SENP3: variants seen among roughly 807,000 people sequenced by gnomAD.
SENP3 encodes sentrin-specific protease 3.
Under a neutral mutation model 66.2 loss-of-function variants are expected in SENP3, and 11 were observed. The ratio of observed to expected loss-of-function variants is 0.17; its 90% confidence interval spans 0.10 to 0.28. The LOEUF is 0.28. SENP3 is among the 10% of genes least tolerant of loss of function. The pLI is 1.00. For missense variants in SENP3, 548 were observed against 743.7 expected (o/e 0.74, Z 3.06); for synonymous variants, 292 against 277.6 (o/e 1.05, Z -0.52).
Position 7,563,651 on chromosome 17 carries a change from C to T in SENP3, c.575C>T (p.Pro192Leu), listed in dbSNP as rs751591772. 1.9e-6 allele frequency: 3 copies of T among 1,609,930 alleles called. No homozygotes were observed. In the African/African-American group the frequency reaches 4.0e-5, roughly 21 times the overall value. Residue 192 changes from proline (P) to leucine (L), a missense_variant, in exon 2 of 11, where the codon CCA becomes CTA. Coordinates refer to ENST00000321337, the MANE Select transcript of SENP3 (RefSeq NM_015670.6). The stretch of plus-strand genomic sequence containing the variant: ...TGTCGTTTTGACTCCCCCCGGGGGC[C>T]ACCTCCACCCCGGCTGGGTCTGCTA... ...PCCRFDSPRG[P>L]PPPRLGLLGA... is the part of the protein sequence containing the mutation.
chr17:7,565,683 C>A, intron 5 of SENP3, 34 bp from the exon 6 acceptor site: 5 of 1,613,866 alleles, frequency 3.1e-6, no homozygotes, highest in Non-Finnish European at 4.2e-6. Context: ...ATGCCGCACC[C>A]TCCATGGCAA....
At chr17:7,569,655 ATCT>A (rs1022737382) in intron 7 of SENP3, among the ~76,000 whole-genome samples, 5 of 152,142 alleles carry the variant, frequency 3.3e-5, no homozygotes, top group African/African-American at 1.2e-4. Context: ...ACCCTCAGGG[ATCT>A]TCTTGCAGTA....
chr17:7,563,829 G>A (rs1317058685), intron 2 of SENP3, 38 bp downstream of exon 2: 1 of 1,417,624 alleles, frequency 7.1e-7, no homozygotes, highest in Non-Finnish European at 9.6e-7. Context: ...CGGGGGAGGG[G>A]TTAGGGAGGG....
In SENP3 at chr17:7,563,120, C is replaced by G. The variant is rs764418774; in HGVS notation, c.44C>G (p.Pro15Arg). The G allele has an allele frequency of 3.3e-6, 5 of 1,524,378 alleles. No homozygotes were observed. The highest frequency in any genetic ancestry group is 4.4e-5 in the Admixed American group (2 of 45,270). The allele number at this position is 1,524,378 out of a possible 1,614,324, so 94.4% of individuals were successfully genotyped here. A position where few individuals can be genotyped will look rare whatever the true frequency, so the allele number is the denominator to read the frequency against. The change falls in exon 2 of 11, where the codon CCT becomes CGT. Residue 15 changes from proline (P) to arginine (R), a missense_variant. Pro to Arg is a moderately radical substitution (Grantham distance 103, BLOSUM62 -2). Coordinates refer to ENST00000321337, the MANE Select transcript of SENP3 (RefSeq NM_015670.6). ...IQGTGSWGPE[P>R]PGPGIPPAYS... ...GGGACCGGGTCCTGGGGGCCTGAGC[C>G]TCCTGGACCCGGCATACCCCCAGCT...
chr17:7,566,552 G>C (rs1206236164), intron 6 of SENP3, among the ~76,000 whole-genome samples: 1 of 150,822 alleles, frequency 6.6e-6, no homozygotes, highest in Non-Finnish European at 1.5e-5. Flanking sequence ...TGTAGTCCCA[G>C]CTACTCGGGA....
rs2071319594 is a variant in SENP3, at chr17:7,571,840, TATATATATATATATATA to T, written c.*358_*374del. The T allele has an allele frequency of 1.6e-4, 3 of 19,046 alleles. No individual in the cohort carries two copies. The Admixed American group carries it at 1.7e-3, about 11-fold the overall frequency. The allele number at this position is 19,046 out of a possible 1,614,324, so 1.2% of individuals were successfully genotyped here. A position where few individuals can be genotyped will look rare whatever the true frequency, so the allele number is the denominator to read the frequency against. On this transcript the variant is annotated 3_prime_UTR_variant, in exon 11 of 11. Transcript: ENST00000321337. Reference sequence around the variant, plus strand: ...TGCCTGCCAGATCTTCAAACTTTTATATATATATATATATATATATATATATATATATATATATATAT... The same window carrying T: ...TGCCTGCCAGATCTTCAAACTTTTATTATATATATATATATATATATATAT...
intron 4 of SENP3, 140 bp from the exon 5 acceptor site, chr17:7,565,300 C>T: frequency 9.7e-7 from 1 of 1,028,870 alleles, no homozygotes; most frequent in Non-Finnish European, 1.4e-6. Flanking sequence ...GGGAGTGGGC[C>T]TTTCGCAGGT....
In SENP3 at chr17:7,566,581, G is replaced by A. The variant is rs146782424; in HGVS notation, c.1264-346G>A. ...CTCGGGAGGCTGAGGCGGGAGAATCGCTTGAACCCGGGAGGCGGAGGTTGC... is the reference window on the plus strand; with the variant it reads ...CTCGGGAGGCTGAGGCGGGAGAATCACTTGAACCCGGGAGGCGGAGGTTGC... On this transcript the variant is annotated intron_variant, in intron 6 of 10. Coordinates refer to ENST00000321337, the MANE Select transcript of SENP3 (RefSeq NM_015670.6). Among the ~76,000 whole-genome samples, 991 of 151,164 alleles carry A rather than the reference G, an allele frequency of 6.6e-3. 10 individuals are homozygous for A. The highest frequency in any genetic ancestry group is 0.023 in the African/African-American group (927 of 41,120).
chr17:7,570,677 A>G lies in SENP3; in HGVS notation c.1480-4A>G, dbSNP rs897071683. ...CATCACTTTCTTTTCCCCCATCCACATAGCATATTGCCAAGTATCTACAGG... is the reference window on the plus strand; with the variant it reads ...CATCACTTTCTTTTCCCCCATCCACGTAGCATATTGCCAAGTATCTACAGG... On this transcript the variant is annotated splice_polypyrimidine_tract_variant and splice_region_variant and intron_variant, in intron 8 of 10. Transcript: ENST00000321337. This position sits in a 1 kb window ranked among gnomAD's most constrained non-coding sequence, Gnocchi z 5.4. The G allele has an allele frequency of 6.2e-7, 1 of 1,612,038 alleles. No individual in the cohort carries two copies. Among genetic ancestry groups the G allele is most frequent in the African/African-American group, 1.3e-5 (1 of 74,976 alleles).
rs748859608 is a variant in SENP3 at position 7,570,781 on chromosome 17, A to AG, written c.1563+21dup. ...TTCAAAATGGTGAGTTTCCTGAGGG[A>AG]GGGGTATAGGGTGTTGGTGGGGACA... is the stretch of plus-strand genomic sequence containing the variant. On this transcript the variant is annotated intron_variant, in intron 9 of 10. Coordinates refer to ENST00000321337, the MANE Select transcript of SENP3 (RefSeq NM_015670.6). The surrounding 1 kb of genome is among the most constrained non-coding windows in gnomAD (Gnocchi z 5.4). 6.2e-7 allele frequency: 1 copy of AG among 1,607,262 alleles called. No homozygotes were observed. The highest frequency in any genetic ancestry group is 1.3e-5 in the African/African-American group (1 of 74,794).
Position 7,565,775 on chromosome 17 carries a change from C to T in SENP3, c.1263+11C>T. On this transcript the variant is annotated intron_variant, in intron 6 of 10. Coordinates refer to ENST00000321337, the MANE Select transcript of SENP3 (RefSeq NM_015670.6). The stretch of plus-strand genomic sequence containing the variant: ...ACAGTCCCTGAAAAGGTAGGCCCAA[C>T]CAGATAGGTCAGTACCCAGAGGAAC... 6.2e-7 allele frequency: 1 copy of T among 1,613,422 alleles called. No individual in the cohort carries two copies. Among genetic ancestry groups the T allele is most frequent in the South Asian group, 1.1e-5 (1 of 91,066 alleles).
rs143835142 is a variant in SENP3, at chr17:7,566,082, C to T, written c.1263+318C>T. 1.2e-3 allele frequency: 286 copies of T among 237,604 alleles called. 1 individual carries two copies. Among genetic ancestry groups the T allele is most frequent in the African/African-American group, 6.1e-3 (271 of 44,420 alleles). 14.7% of individuals were successfully genotyped at this position (237,604 alleles called of 1,614,324 possible). A position where few individuals can be genotyped will look rare whatever the true frequency, so the allele number is the denominator to read the frequency against. ...GGCCACCGGGCATGGTAGCTCATGC[C>T]TGTAATCCCAGCACTCTGGGAGACC... On this transcript the variant is annotated intron_variant, in intron 6 of 10. Transcript: ENST00000321337.
intron 7 of SENP3, among the ~76,000 whole-genome samples, chr17:7,568,562 C>G (rs911953553): frequency 3.9e-5 from 6 of 152,096 alleles, no homozygotes; most frequent in African/African-American, 1.4e-4. Context: ...GCACTCCACC[C>G]TGGGTGACAG....
chr17:7,567,097 T>A, intron 7 of SENP3, 93 bp downstream of exon 7: 1 of 860,078 alleles, frequency 1.2e-6, no homozygotes, highest in Admixed American at 2.0e-5. Flanking sequence ...ACCGTGTTCA[T>A]TCAGTCTTTC....
chr17:7,566,159 TG>T (rs1597840072), intron 6 of SENP3: 1 of 168,772 alleles, frequency 5.9e-6, no homozygotes, highest in East Asian at 1.6e-4. Context: ...CTGACCAATA[TG>T]GAGAAATCCC....
At chr17:7,564,526 C>A in intron 2 of SENP3, 99 bp from the exon 3 acceptor site, 1 of 1,508,812 alleles carries the variant, frequency 6.6e-7, no homozygotes, top group Non-Finnish European at 9.0e-7. Flanking sequence ...GTGTATCCTT[C>A]TTGCGGTCTT....
At chr17:7,567,141 A>G (rs1161569759) in intron 7 of SENP3, 137 bp downstream of exon 7, 5 of 706,734 alleles carry the variant, frequency 7.1e-6, no homozygotes, top group Non-Finnish European at 1.3e-5. Context: ...TGTAGGCACT[A>G]AGGATACAGT....
intron 7 of SENP3, among the ~76,000 whole-genome samples, chr17:7,569,097 G>GT (rs1054398378): frequency 1.3e-5 from 2 of 152,234 alleles, no homozygotes; most frequent in East Asian, 3.9e-4. Flanking sequence ...AAGAAGATTT[G>GT]TTTTTTTGCC....
At chr17:7,565,660 G>A (rs2071261633) in intron 5 of SENP3, 57 bp from the exon 6 acceptor site, 5 of 1,612,628 alleles carry the variant, frequency 3.1e-6, no homozygotes, top group Non-Finnish European at 4.2e-6. Flanking sequence ...CTGCATGGGG[G>A]AGCCCTGTAC....
Sources: gnomAD v4.1 joint callset for allele counts (sites outside exome capture counted in the v4.1 genomes callset) on GRCh38, gnomAD v4.1.1 for gene constraint, Gnocchi (gnomAD v3.1) non-coding constraint, MANE v1.5 for transcripts, NCBI Gene and HGNC (gene_info 2026-07-23, HGNC 2026-07-21) for gene names.